ARID2: variants seen among roughly 807,000 people sequenced by gnomAD.
ARID2 encodes the protein AT-rich interactive domain-containing protein 2.
Under a neutral mutation model 184.6 loss-of-function variants are expected in ARID2, and 32 were observed. The ratio of observed to expected loss-of-function variants is 0.17; its 90% CI spans 0.13 to 0.23. The LOEUF (loss-of-function observed/expected upper bound fraction) is 0.23. Ranked by LOEUF, ARID2 falls within the 10% of genes least tolerant of loss-of-function variation. The pLI is 1.00. For missense variants in ARID2, 1,696 were observed against 2,197.6 expected, an observed-to-expected ratio of 0.77 and a Z score of 4.56; for synonymous variants, 836 against 772.6, an observed-to-expected ratio of 1.08 and a Z score of -1.36.
intron 15 of ARID2, 122 bp from the exon 16 acceptor site, chr12:45,860,679 T>G (rs542945377): frequency 1.1e-6 from 1 of 881,316 alleles, no homozygotes; most frequent in African/African-American, 1.7e-5. Flanking sequence ...AGCTTAAAAT[T>G]ATAAAATGTA....
Position 45,860,790 on chromosome 12 carries a change from C to A in ARID2, c.4774-11C>A. 6.6e-7 allele frequency: 1 copy of A among 1,511,990 alleles called. No individual in the cohort carries two copies. The highest frequency in any genetic ancestry group is 8.9e-7 in the Non-Finnish European group (1 of 1,129,622). 93.7% of individuals were successfully genotyped at this position (1,511,990 alleles called of 1,614,324 possible). A position where few individuals can be genotyped will look rare whatever the true frequency, so the allele number is the denominator to read the frequency against. On this transcript the variant is annotated splice_polypyrimidine_tract_variant and intron_variant, in intron 15 of 20. Transcript: ENST00000334344. ...TCATGTCACAAACTCTGCATTTGTT[C>A]TTTTTCACAGAACACTCCTATGCCA...
At chr12:45,876,464 C>T (rs1944010148) in intron 16 of ARID2, among the ~76,000 whole-genome samples, 2 of 151,384 alleles carry the variant, frequency 1.3e-5, no homozygotes, top group East Asian at 2.0e-4. Flanking sequence ...GCAGGAGAAT[C>T]GTTTGAGCCC....
chr12:45,864,294 C>T (rs1416682606), intron 16 of ARID2, among the ~76,000 whole-genome samples: 1 of 151,852 alleles, frequency 6.6e-6, no homozygotes, highest in Non-Finnish European at 1.5e-5. Flanking sequence ...ATACTATATA[C>T]CACCACCACC....
At chr12:45,758,548 T>C (rs554580056) in intron 3 of ARID2, among the ~76,000 whole-genome samples, 2 of 152,356 alleles carry the variant, frequency 1.3e-5, no homozygotes, top group East Asian at 3.9e-4. Context: ...ACAGGTTTTA[T>C]AGCTGCCCCA....
At chr12:45,821,619 A>G (rs1171126639) in intron 6 of ARID2, 132 bp downstream of exon 6, 1 of 444,100 alleles carries the variant, frequency 2.3e-6, no homozygotes, top group African/African-American at 2.0e-5. Context: ...TATGCCATAC[A>G]CAACGATTTT....
At chr12:45,761,937 GATTA>G (rs1239514078) in intron 3 of ARID2, among the ~76,000 whole-genome samples, 1 of 151,936 alleles carries the variant, frequency 6.6e-6, no homozygotes. Context: ...ACATTTCCTA[GATTA>G]ATTCTTAAAT....
At chr12:45,760,864 TTTTA>T (rs1182138937) in intron 3 of ARID2, among the ~76,000 whole-genome samples, 1 of 152,086 alleles carries the variant, frequency 6.6e-6, no homozygotes, top group Non-Finnish European at 1.5e-5. Flanking sequence ...TAAATTTAAT[TTTTA>T]TTTAGTTTTT....
At chr12:45,771,713 C>T (rs979940036) in intron 3 of ARID2, among the ~76,000 whole-genome samples, 3 of 150,080 alleles carry the variant, frequency 2.0e-5, no homozygotes, top group Non-Finnish European at 3.0e-5. Context: ...TATATATAGT[C>T]TTTGGGACCA....
intron 6 of ARID2, among the ~76,000 whole-genome samples, chr12:45,829,873 G>A (rs1943079017): frequency 7.0e-6 from 1 of 143,658 alleles, no homozygotes. Flanking sequence ...ATTTCCTTAG[G>A]CTTGTTCCTT....
rs761977995 is a variant in ARID2, at chr12:45,852,146, A to G, written c.4023A>G (p.Ser1341=). The G allele has an allele frequency of 6.2e-7, 1 of 1,614,166 alleles. No individual in the cohort carries two copies. The highest frequency in any genetic ancestry group is 1.1e-5 in the South Asian group (1 of 91,086). The change falls in exon 15 of 21, where the codon TCA becomes TCG. Residue 1341 remains serine, a synonymous_variant. Transcript: ENST00000334344. ...ATGGAGCATCTGGGAAACAGAACTC[A>G]GAACAAATAGACATGCAAGATATCA... is the stretch of plus-strand genomic sequence containing the variant. ...GENGASGKQN[S]EQIDMQDIKS...
intron 3 of ARID2, among the ~76,000 whole-genome samples, chr12:45,760,407 A>G (rs1018896057): frequency 6.6e-6 from 1 of 152,090 alleles, no homozygotes; most frequent in East Asian, 1.9e-4. Context: ...TTTTTTTGTC[A>G]TTTTCTGAAG....
Position 45,798,647 on chromosome 12 carries a change from A to G in ARID2, c.285-12771A>G, listed in dbSNP as rs1049957527. Among the ~76,000 whole-genome samples the G allele has an allele frequency of 1.2e-4, 19 of 152,350 alleles. 1 individual carries two copies. Among genetic ancestry groups the G allele is most frequent in the African/African-American group, 4.6e-4 (19 of 41,582 alleles). ...AAAGTAAGGTACTTGAATGTGGGATATCAACAAACAAGCAATACAGTTATC... is the reference window on the plus strand; with the variant it reads ...AAAGTAAGGTACTTGAATGTGGGATGTCAACAAACAAGCAATACAGTTATC... On this transcript the variant is annotated intron_variant, in intron 3 of 20. Transcript: ENST00000334344.
chr12:45,776,718 G>A (rs1941988226), intron 3 of ARID2, among the ~76,000 whole-genome samples: 1 of 151,496 alleles, frequency 6.6e-6, no homozygotes. Flanking sequence ...GGGAGGCCAA[G>A]GCGGACAGAT....
At chr12:45,832,893 C>G (rs1343338926) in intron 6 of ARID2, among the ~76,000 whole-genome samples, 2 of 152,146 alleles carry the variant, frequency 1.3e-5, no homozygotes, top group Non-Finnish European at 2.9e-5. Context: ...AAATACTATA[C>G]TGCTATACCA....
At chr12:45,802,066 A>G (rs10880859) in intron 3 of ARID2, among the ~76,000 whole-genome samples, 78,122 of 124,944 alleles carry the variant, frequency 0.63, 22,770 homozygotes, top group African/African-American at 0.82. Context: ...TGGCTCCCCC[A>G]CCCCCACCCA....
intron 3 of ARID2, among the ~76,000 whole-genome samples, chr12:45,754,955 A>T (rs776474870): frequency 3.9e-5 from 6 of 152,236 alleles, no homozygotes; most frequent in Admixed American, 1.3e-4. Flanking sequence ...CTCAAGCTTG[A>T]CATTGAAAGA....
At chr12:45,807,987 C>CA (rs1248771713) in intron 3 of ARID2, among the ~76,000 whole-genome samples, 1 of 152,150 alleles carries the variant, frequency 6.6e-6, no homozygotes, top group Admixed American at 6.5e-5. Flanking sequence ...TTCTGGATTA[C>CA]AATATTTCAC....
intron 3 of ARID2, among the ~76,000 whole-genome samples, chr12:45,740,909 G>A (rs182738286): frequency 1.3e-5 from 2 of 152,126 alleles, no homozygotes; most frequent in African/African-American, 2.4e-5. Context: ...ATGTCACTTT[G>A]TCTCATTATT....
rs543677456 is a variant in ARID2, at chr12:45,835,900, C to CAA, written c.706-679_706-678dup. ...GGGTGAAAAGAGCGAAACTCCATCT[C>CAA]AAAAAAAAAAACAAAAACAAAAAAG... On this transcript the variant is annotated intron_variant, in intron 6 of 20. Transcript: ENST00000334344. Among the ~76,000 whole-genome samples, 4 of 134,766 alleles carry CAA rather than the reference C, an allele frequency of 3.0e-5. No homozygotes were observed. In the South Asian group the frequency reaches 9.8e-4, roughly 33 times the overall value. 88.4% of individuals were successfully genotyped at this position (134,766 alleles called of 152,430 possible). A position where few individuals can be genotyped will look rare whatever the true frequency, so the allele number is the denominator to read the frequency against.
Sources: allele counts gnomAD v4.1 joint callset (sites outside exome capture counted in the v4.1 genomes callset), GRCh38; gene constraint gnomAD v4.1.1; transcripts MANE v1.5; gene names NCBI Gene and HGNC (gene_info 2026-07-23, HGNC 2026-07-21).